The following CHRM3 variants were observed in gnomAD, a reference collection of about 807,000 sequenced individuals.
CHRM3 encodes the protein muscarinic acetylcholine receptor M3.
Under a neutral mutation model 41.8 loss-of-function variants are expected in CHRM3, and 11 were observed. The ratio of observed to expected loss-of-function variants is 0.26; its 90% CI spans 0.17 to 0.44. The LOEUF (loss-of-function observed/expected upper bound fraction) is 0.44, where lower values mean the gene tolerates loss of function less well. CHRM3 is among the 20% of genes least tolerant of loss of function. The pLI is 1.00. For synonymous variants in CHRM3, 297 were observed against 301.4 expected (o/e 0.99, Z 0.15); for missense variants, 571 against 745.4 (o/e 0.77, Z 2.72).
intron 2 of CHRM3, among the ~76,000 whole-genome samples, chr1:239,517,810 G>A (rs957718307): frequency 2.6e-5 from 4 of 152,052 alleles, no homozygotes; most frequent in Non-Finnish European, 4.4e-5. Context: ...ATGGTGAACC[G>A]GGAATAAATA....
chr1:239,666,481 C>T (rs1271970373), intron 4 of CHRM3, among the ~76,000 whole-genome samples: 13 of 152,020 alleles, frequency 8.6e-5, no homozygotes, highest in Admixed American at 7.2e-4. Flanking sequence ...CGTGAGTCAC[C>T]GAGCCCGGCC....
chr1:239,855,137 C>T (rs867035547), intron 6 of CHRM3, among the ~76,000 whole-genome samples: 1 of 152,126 alleles, frequency 6.6e-6, no homozygotes, highest in African/African-American at 2.4e-5. Context: ...CCTTGCTAGC[C>T]GTTACTTAAT....
intron 3 of CHRM3, among the ~76,000 whole-genome samples, chr1:239,616,333 A>G (rs1667630163): frequency 6.6e-6 from 1 of 152,206 alleles, no homozygotes; most frequent in African/African-American, 2.4e-5. Flanking sequence ...TGCTGAACAT[A>G]ACATAGAGTA....
intron 5 of CHRM3, among the ~76,000 whole-genome samples, chr1:239,757,714 G>A (rs1413223535): frequency 1.3e-5 from 2 of 152,048 alleles, no homozygotes; most frequent in Non-Finnish European, 2.9e-5. Context: ...GCTATGTGAA[G>A]TAGAAGTTCA....
chr1:239,811,887 C>A (rs1458876076), intron 5 of CHRM3, among the ~76,000 whole-genome samples: 1 of 152,078 alleles, frequency 6.6e-6, no homozygotes, highest in Non-Finnish European at 1.5e-5. Context: ...GCAGAAGATA[C>A]CTGATTATGA....
At chr1:239,416,460 A>T (rs1290401433) in intron 1 of CHRM3, among the ~76,000 whole-genome samples, 1 of 152,208 alleles carries the variant, frequency 6.6e-6, no homozygotes, top group Non-Finnish European at 1.5e-5. Flanking sequence ...ATTCAGTATT[A>T]TGAACAAGAA....
intron 6 of CHRM3, among the ~76,000 whole-genome samples, chr1:239,906,433 G>A (rs1376880260): frequency 6.6e-6 from 1 of 152,072 alleles, no homozygotes; most frequent in Non-Finnish European, 1.5e-5. Context: ...TCTAGTGTAC[G>A]GTGGCTGGCG....
At chr1:239,658,851 A>G (rs985018221) in intron 4 of CHRM3, among the ~76,000 whole-genome samples, 1 of 151,422 alleles carries the variant, frequency 6.6e-6, no homozygotes, top group Non-Finnish European at 1.5e-5. Context: ...CGATTCTCCC[A>G]CCTCAGCCTC....
chr1:239,527,912 AT>A (rs772520421), intron 2 of CHRM3, among the ~76,000 whole-genome samples: 26 of 151,786 alleles, frequency 1.7e-4, no homozygotes, highest in African/African-American at 4.8e-4. Context: ...ACAACTTTTG[AT>A]TTTTTTTTTC....
chr1:239,756,591 T>C (rs1666261562), intron 5 of CHRM3, among the ~76,000 whole-genome samples: 1 of 152,194 alleles, frequency 6.6e-6, no homozygotes, highest in African/African-American at 2.4e-5. Flanking sequence ...AGGAAAAATA[T>C]AGTCATTGCT....
intron 5 of CHRM3, among the ~76,000 whole-genome samples, chr1:239,716,462 A>G (rs911133205): frequency 6.6e-6 from 1 of 152,016 alleles, no homozygotes; most frequent in South Asian, 2.1e-4. Context: ...CGAAAAGGGC[A>G]TTGACGTCAT....
chr1:239,612,989 T>G (rs2148762155), intron 3 of CHRM3, among the ~76,000 whole-genome samples: 1 of 152,328 alleles, frequency 6.6e-6, no homozygotes, highest in African/African-American at 2.4e-5. Flanking sequence ...ATGAGGTAAT[T>G]AATGAAAACT....
chr1:239,410,751 A>G (rs56293463), intron 1 of CHRM3, among the ~76,000 whole-genome samples: 4,832 of 152,258 alleles, frequency 0.032, 244 homozygotes, highest in African/African-American at 0.11. Context: ...TAGCTCCTGC[A>G]TTGACTCATC....
At chr1:239,768,532 G>A (rs1667405962) in intron 5 of CHRM3, among the ~76,000 whole-genome samples, 1 of 81,890 alleles carries the variant, frequency 1.2e-5, no homozygotes, top group Non-Finnish European at 2.7e-5. Flanking sequence ...AATGCAGGTT[G>A]AAATAAACAT....
chr1:239,894,543 G>A (rs546341993), intron 6 of CHRM3, among the ~76,000 whole-genome samples: 150 of 151,902 alleles, frequency 9.9e-4, no homozygotes, highest in African/African-American at 3.0e-3. Context: ...AGCGATTCTC[G>A]TGCCTCAGCC....
intron 5 of CHRM3, among the ~76,000 whole-genome samples, chr1:239,681,909 G>A (rs1558449019): frequency 1.3e-5 from 2 of 151,974 alleles, no homozygotes; most frequent in African/African-American, 4.8e-5. Flanking sequence ...AAAGAAAGAT[G>A]TTATAAGGTG....
chr1:239,613,626 C>T (rs1667304789), intron 3 of CHRM3, among the ~76,000 whole-genome samples: 1 of 151,886 alleles, frequency 6.6e-6, no homozygotes, highest in South Asian at 2.1e-4. Flanking sequence ...AGGGTAAGTG[C>T]TTTGGGAGAA....
intron 5 of CHRM3, among the ~76,000 whole-genome samples, chr1:239,724,480 G>T (rs1369331835): frequency 3.9e-5 from 6 of 151,916 alleles, no homozygotes; most frequent in African/African-American, 1.4e-4. Flanking sequence ...TGCATTGGAA[G>T]TTTACTTAAC....
At chr1:239,551,303 C>T (rs1000524380) in intron 3 of CHRM3, among the ~76,000 whole-genome samples, 6 of 151,670 alleles carry the variant, frequency 4.0e-5, no homozygotes, top group Non-Finnish European at 8.8e-5. Flanking sequence ...GCTGGGATTA[C>T]AGCCATGCAC....
Sources: gnomAD v4.1 joint callset for allele counts (sites outside exome capture counted in the v4.1 genomes callset) on GRCh38, gnomAD v4.1.1 for gene constraint, MANE v1.5 for transcripts, NCBI Gene and HGNC (gene_info 2026-07-23, HGNC 2026-07-21) for gene names.